Variants in ANKRD55 observed in about 807,000 individuals in gnomAD.
ANKRD55 encodes ankyrin repeat domain 55.
In ANKRD55, 41 loss-of-function variants were observed where a neutral mutation model predicts 60.6. That is an observed-to-expected ratio of 0.68 (90% CI 0.53 to 0.88). ANKRD55 has a LOEUF of 0.88. Among genes scored for constraint, ANKRD55 ranks in the 40% least tolerant of loss-of-function variants. The pLI, the probability that ANKRD55 is intolerant of heterozygous loss-of-function variation, is 0.00. For missense variants in ANKRD55, 732 were observed against 767.6 expected, an observed-to-expected ratio of 0.95 and a Z score of 0.55; for synonymous variants, 264 against 290.3, an observed-to-expected ratio of 0.91 and a Z score of 0.92.
In ANKRD55 at chr5:56,135,412, C is replaced by T. The variant is rs147892405; in HGVS notation, c.613-8306G>A. Among the ~76,000 whole-genome samples the T allele has an allele frequency of 7.7e-3, 1,152 of 148,664 alleles. 15 individuals are homozygous for T. Among genetic ancestry groups the T allele is most frequent in the African/African-American group, 0.028 (1,088 of 39,162 alleles). On this transcript the variant is annotated intron_variant, in intron 7 of 11. Transcript: ENST00000341048. ...CTTGACAGGGTCTCACTCTGTTGCT[C>T]AGGCTGGAGTGCAGTGGTGCGATCT...
At chr5:56,112,511 A>AACAAAAAAAAAAAAAAAC (rs1756752844) in intron 9 of ANKRD55, among the ~76,000 whole-genome samples, 3 of 81,528 alleles carry the variant, frequency 3.7e-5, no homozygotes, top group African/African-American at 1.6e-4. Flanking sequence ...TAGCAAAAAA[A>AACAAAAAAAAAAAAAAAC]AAAAAAAAAA....
rs769664867 is a variant in ANKRD55, at chr5:56,166,199, T to TTCCTTCCTTCCTTCCTTCCTTCCTTC, written c.422+4494_422+4495insGAAGGAAGGAAGGAAGGAAGGAAGGA. 4.2e-4 allele frequency among the ~76,000 whole-genome samples: 40 copies of TTCCTTCCTTCCTTCCTTCCTTCCTTC among 96,122 alleles called. 1 individual carries two copies. The highest frequency in any genetic ancestry group is 4.4e-3 in the Middle Eastern group (1 of 226). The allele number at this position is 96,122 out of a possible 152,430, so 63.1% of individuals were successfully genotyped here. On this transcript the variant is annotated intron_variant, in intron 5 of 11. Coordinates refer to ENST00000341048, the MANE Select transcript of ANKRD55 (RefSeq NM_024669.3). ...CTTCCTTCCTTCCTTCCTTCCTTCC[T>TTCCTTCCTTCCTTCCTTCCTTCCTTC]TCTCTCTCTCTCTCTCTCTTTCTTT...
chr5:56,125,664 T>C (rs1757226387), intron 8 of ANKRD55: 1 of 152,192 alleles, frequency 6.6e-6, no homozygotes, highest in African/African-American at 2.4e-5. Context: ...TATGTAGAAC[T>C]CCCCATTTTT....
intron 7 of ANKRD55, among the ~76,000 whole-genome samples, chr5:56,129,238 G>A (rs1168445276): frequency 1.3e-5 from 2 of 152,152 alleles, no homozygotes; most frequent in Non-Finnish European, 2.9e-5. Flanking sequence ...ATGGGACTGT[G>A]GTCCAGGTGG....
intron 2 of ANKRD55, among the ~76,000 whole-genome samples, chr5:56,203,409 C>T (rs546411892): frequency 6.3e-4 from 96 of 152,056 alleles, no homozygotes; most frequent in African/African-American, 2.2e-3. Context: ...AGGTTAGTTA[C>T]ATATGTATAC....
At chr5:56,103,317 G>A (rs1756346481) in intron 10 of ANKRD55, among the ~76,000 whole-genome samples, 1 of 152,178 alleles carries the variant, frequency 6.6e-6, no homozygotes, top group Non-Finnish European at 1.5e-5. Context: ...GCCATGGTGG[G>A]TGTATTTACA....
chr5:56,128,936 G>C (rs114059635), intron 7 of ANKRD55, among the ~76,000 whole-genome samples: 344 of 152,290 alleles, frequency 2.3e-3, no homozygotes, highest in African/African-American at 7.8e-3. Flanking sequence ...AGTGAAAACT[G>C]TTTAGACCTA....
At position 56,156,719 on chromosome 5, in the gene ANKRD55, T is replaced by C. The variant is rs550793081; in HGVS notation, c.483+3114A>G. On this transcript the variant is annotated intron_variant, in intron 6 of 11. Coordinates refer to ENST00000341048, the MANE Select transcript of ANKRD55 (RefSeq NM_024669.3). ...ACTCCAGCTCCCTGCTTCGACACCA[T>C]GGGCAGAGTGACCAGAGTGTGCTAC... 4.6e-5 allele frequency among the ~76,000 whole-genome samples: 7 copies of C among 152,290 alleles called. No homozygotes were observed. In the South Asian group the frequency reaches 8.3e-4, roughly 18 times the overall value.
intron 2 of ANKRD55, among the ~76,000 whole-genome samples, chr5:56,230,505 G>C (rs1023336304): frequency 6.6e-6 from 1 of 152,034 alleles, no homozygotes; most frequent in African/African-American, 2.4e-5. Flanking sequence ...GTACTGCTAG[G>C]GTTCACTTAT....
chr5:56,111,031 T>G (rs1360429700), intron 10 of ANKRD55, 87 bp downstream of exon 10: 1 of 1,454,444 alleles, frequency 6.9e-7, no homozygotes, highest in Non-Finnish European at 9.3e-7. Flanking sequence ...TTCTAGGCTA[T>G]TGTCACTCCA....
intron 4 of ANKRD55, among the ~76,000 whole-genome samples, chr5:56,172,833 G>A (rs1758639851): frequency 6.6e-6 from 1 of 152,106 alleles, no homozygotes; most frequent in Admixed American, 6.5e-5. Flanking sequence ...TTTGAATTGG[G>A]TCCTTCTTGT....
At chr5:56,177,394 T>A (rs150914925) in intron 3 of ANKRD55, among the ~76,000 whole-genome samples, 3 of 152,266 alleles carry the variant, frequency 2.0e-5, no homozygotes, top group African/African-American at 7.2e-5. Context: ...GTGGTAATTA[T>A]AACTATTGAG....
chr5:56,168,283 T>C lies in ANKRD55; in HGVS notation c.422+2411A>G, dbSNP rs1402594620. On this transcript the variant is annotated intron_variant, in intron 5 of 11. Coordinates refer to ENST00000341048, the MANE Select transcript of ANKRD55 (RefSeq NM_024669.3). ...TTCAGTTACCCACAGTTCACTGTGG[T>C]TCAAAAACATTCAATGAAAAATTCC... Among the ~76,000 whole-genome samples the C allele has an allele frequency of 2.0e-5, 3 of 152,190 alleles. No homozygotes were observed. In the East Asian group the frequency reaches 5.8e-4, roughly 29 times the overall value.
chr5:56,145,416 A>T (rs538270974), intron 6 of ANKRD55, among the ~76,000 whole-genome samples: 1 of 152,228 alleles, frequency 6.6e-6, no homozygotes, highest in African/African-American at 2.4e-5. Context: ...TATCAACAGA[A>T]TGCAGAGGAG....
intron 5 of ANKRD55, among the ~76,000 whole-genome samples, chr5:56,161,690 C>T (rs973150993): frequency 2.6e-5 from 4 of 152,102 alleles, no homozygotes; most frequent in East Asian, 1.9e-4. Flanking sequence ...CACTACTGCA[C>T]GATCTGAGTT....
At chr5:56,128,719 C>T (rs1757337924) in intron 7 of ANKRD55, among the ~76,000 whole-genome samples, 1 of 152,138 alleles carries the variant, frequency 6.6e-6, no homozygotes, top group African/African-American at 2.4e-5. Context: ...AACAATCCCA[C>T]AAGGTTGGTA....
At chr5:56,107,651 T>C (rs1756524533) in intron 10 of ANKRD55, among the ~76,000 whole-genome samples, 1 of 152,166 alleles carries the variant, frequency 6.6e-6, no homozygotes, top group Non-Finnish European at 1.5e-5. Flanking sequence ...GTGTGGCACT[T>C]AAGCCAGATG....
In ANKRD55 at chr5:56,233,244, G is replaced by A. The variant is rs1021224979; in HGVS notation, c.-37C>T. 2 of 294,148 alleles carry A rather than the reference G, an allele frequency of 6.8e-6. No individual in the cohort carries two copies. Among genetic ancestry groups the A allele is most frequent in the Non-Finnish European group, 1.3e-5 (2 of 156,038 alleles). The allele number at this position is 294,148 out of a possible 1,614,324, so 18.2% of individuals were successfully genotyped here. ...TAAAATTGTATGGGCCACCTGCCTT[G>A]GATCTGGGCTGGAAAAACACAGCAG... is the stretch of plus-strand genomic sequence containing the variant. On this transcript the variant is annotated 5_prime_UTR_variant, in exon 1 of 12. Coordinates refer to ENST00000341048, the MANE Select transcript of ANKRD55 (RefSeq NM_024669.3).
intron 2 of ANKRD55, among the ~76,000 whole-genome samples, chr5:56,226,641 G>GA (rs1244215209): frequency 2.2e-4 from 33 of 152,228 alleles, no homozygotes; most frequent in African/African-American, 7.0e-4. Context: ...AAATTTACAA[G>GA]AAAAAATCAA....
Sources: gnomAD v4.1 joint callset for allele counts (sites outside exome capture counted in the v4.1 genomes callset) on GRCh38, gnomAD v4.1.1 for gene constraint, MANE v1.5 for transcripts, NCBI Gene and HGNC (gene_info 2026-07-23, HGNC 2026-07-21) for gene names.